Variants in RGMA observed in about 807,000 individuals in gnomAD.
The protein encoded by RGMA is repulsive guidance molecule A.
Under a neutral mutation model 23.2 loss-of-function variants are expected in RGMA, and 10 were observed. The ratio of observed to expected loss-of-function variants is 0.43; its 90% CI spans 0.27 to 0.73. The LOEUF (loss-of-function observed/expected upper bound fraction) is 0.73. RGMA is among the 30% of genes least tolerant of loss of function. The pLI is 0.20. For missense variants in RGMA, 547 were observed against 630.5 expected, an observed-to-expected ratio of 0.87 and a Z score of 1.42; for synonymous variants, 308 against 279.3, an observed-to-expected ratio of 1.10 and a Z score of -1.03.
intron 2 of RGMA, among the ~76,000 whole-genome samples, chr15:93,059,110 A>T (rs2055061448): frequency 1.3e-5 from 2 of 152,114 alleles, no homozygotes; most frequent in Non-Finnish European, 2.9e-5. Flanking sequence ...CACAAGTGGA[A>T]GGGCTGGGGC....
intron 1 of RGMA, among the ~76,000 whole-genome samples, chr15:93,081,155 C>T (rs984680342): frequency 2.0e-5 from 3 of 152,116 alleles, no homozygotes; most frequent in African/African-American, 7.2e-5. Context: ...TATCTTCAGC[C>T]CCTCAGCTTC....
At chr15:93,074,754 T>C (rs1895442063) in intron 1 of RGMA, among the ~76,000 whole-genome samples, 1 of 152,246 alleles carries the variant, frequency 6.6e-6, no homozygotes, top group Non-Finnish European at 1.5e-5. Context: ...CAATTTATTC[T>C]GCAGCATCAC....
chr15:93,049,821 C>A (rs558773660), intron 3 of RGMA, among the ~76,000 whole-genome samples: 70 of 152,304 alleles, frequency 4.6e-4, no homozygotes, highest in Non-Finnish European at 1.6e-4. Flanking sequence ...GAGTCTCTGG[C>A]TGCCTGAGAG....
intron 2 of RGMA, among the ~76,000 whole-genome samples, chr15:93,057,590 G>C (rs2055035143): frequency 1.3e-5 from 2 of 152,118 alleles, no homozygotes; most frequent in South Asian, 4.2e-4. Context: ...CCTAGGCTGG[G>C]GTATTTTCTT....
At chr15:93,051,671 G>A (rs2054921514) in intron 3 of RGMA, among the ~76,000 whole-genome samples, 1 of 152,228 alleles carries the variant, frequency 6.6e-6, no homozygotes, top group Non-Finnish European at 1.5e-5. Context: ...AGGTTCTGGA[G>A]TCACCCGGGC....
chr15:93,079,361 G>A (rs962707788), intron 1 of RGMA, among the ~76,000 whole-genome samples: 3 of 152,140 alleles, frequency 2.0e-5, no homozygotes, highest in East Asian at 1.9e-4. Flanking sequence ...TTTCTCCCTC[G>A]TCTCCAGGCC....
intron 2 of RGMA, among the ~76,000 whole-genome samples, chr15:93,053,649 T>C (rs893758252): frequency 6.6e-6 from 1 of 152,200 alleles, no homozygotes; most frequent in Non-Finnish European, 1.5e-5. Context: ...AGTGCCTACC[T>C]ATCCCAGCAG....
At chr15:93,071,905 G>A (rs1402499137) in intron 2 of RGMA, among the ~76,000 whole-genome samples, 2 of 152,224 alleles carry the variant, frequency 1.3e-5, no homozygotes, top group Admixed American at 1.3e-4. Context: ...AATGGAAACG[G>A]CTGGGAGATC....
In RGMA at chr15:93,041,544, A is replaced by G. The variant is rs1157709979; in HGVS notation, c.*3454T>C. 1 of 152,236 alleles carries G rather than the reference A, an allele frequency of 6.6e-6. No homozygotes were observed. The highest frequency in any genetic ancestry group is 2.4e-5 in the African/African-American group (1 of 41,446). 9.4% of individuals were successfully genotyped at this position (152,236 alleles called of 1,614,324 possible). ...GTTACATTTAGGGTCCTGGAAAAAA[A>G]ATTCCAAACCAAGAATACTTTGTGG... On this transcript the variant is annotated 3_prime_UTR_variant, in exon 4 of 4. Coordinates refer to ENST00000329082, the MANE Select transcript of RGMA (RefSeq NM_020211.3).
chr15:93,077,274 T>A (rs1048642628), intron 1 of RGMA, among the ~76,000 whole-genome samples: 5 of 152,136 alleles, frequency 3.3e-5, no homozygotes, highest in African/African-American at 1.2e-4. Context: ...CTGTGGGAGA[T>A]GTAAAAAGAT....
chr15:93,063,189 G>A (rs1049483335), intron 2 of RGMA: 3 of 152,246 alleles, frequency 2.0e-5, no homozygotes, highest in African/African-American at 7.2e-5. Flanking sequence ...GGAGACACTA[G>A]CCTTGAAGCC....
At chr15:93,088,295 C>G in intron 1 of RGMA, 1 of 985,476 alleles carries the variant, frequency 1.0e-6, no homozygotes, top group Non-Finnish European at 1.2e-6. Flanking sequence ...GGTTGAGCTG[C>G]GGCGCGAGCC....
rs536848349 is a variant in RGMA at position 93,038,323 on chromosome 15, A to G, written c.*6675T>C. 4 of 152,244 alleles carry G rather than the reference A, an allele frequency of 2.6e-5. No homozygotes were observed. Among genetic ancestry groups the G allele is most frequent in the Non-Finnish European group, 4.4e-5 (3 of 68,090 alleles). 9.4% of individuals were successfully genotyped at this position (152,244 alleles called of 1,614,324 possible). On this transcript the variant is annotated 3_prime_UTR_variant, in exon 4 of 4. Transcript: ENST00000329082. ...TTCAAGGGTTTGGTAAGTAAGGCCA[A>G]TCAGACCAAAGAGATGTGATTTCTG...
At chr15:93,059,583 G>A (rs375701631) in intron 2 of RGMA, among the ~76,000 whole-genome samples, 2 of 152,214 alleles carry the variant, frequency 1.3e-5, no homozygotes, top group African/African-American at 4.8e-5. Context: ...CTCTGGGAAC[G>A]ATGGGTCCCA....
chr15:93,055,282 C>T (rs2054995512), intron 2 of RGMA, among the ~76,000 whole-genome samples: 1 of 152,192 alleles, frequency 6.6e-6, no homozygotes, highest in South Asian at 2.1e-4. Flanking sequence ...GCAGGTCCCA[C>T]TGCAACACAA....
At chr15:93,055,394 T>G (rs2054997161) in intron 2 of RGMA, among the ~76,000 whole-genome samples, 1 of 152,066 alleles carries the variant, frequency 6.6e-6, no homozygotes, top group Non-Finnish European at 1.5e-5. Context: ...CCGTCCCAGG[T>G]CCGGTGCTGC....
Position 93,045,162 on chromosome 15 carries a change from C to A in RGMA, c.1189G>T (p.Ala397Ser). 6.2e-7 allele frequency: 1 copy of A among 1,606,436 alleles called. No homozygotes were observed. Among genetic ancestry groups the A allele is most frequent in the Non-Finnish European group, 8.5e-7 (1 of 1,176,520 alleles). ...TGGAGCATCTTGACATCCTCCAACG[C>A]GTAGTAGGCGGCCAGTGTGAAGTTC... ...DVNFTLAAYYALEDVKMLHSN... is the reference protein window; with the variant it reads ...DVNFTLAAYYSLEDVKMLHSN... The change falls in exon 4 of 4, where the codon GCG becomes TCG. Residue 397 changes from alanine (A) to serine (S), a missense_variant. Transcript: ENST00000329082. This position sits in a 1 kb window ranked among gnomAD's most constrained non-coding sequence, Gnocchi z 6.9.
intron 2 of RGMA, among the ~76,000 whole-genome samples, chr15:93,055,782 G>A (rs892582388): frequency 6.6e-6 from 1 of 152,238 alleles, no homozygotes; most frequent in African/African-American, 2.4e-5. Flanking sequence ...CTCGACGGCA[G>A]GGTCAGACTG....
Position 93,044,959 on chromosome 15 carries a change from G to C in RGMA, c.*39C>G, listed in dbSNP as rs958194947. 1.3e-6 allele frequency: 2 copies of C among 1,508,842 alleles called. No individual in the cohort carries two copies. The highest frequency in any genetic ancestry group is 2.0e-5 in the Admixed American group (1 of 50,244). 93.5% of individuals were successfully genotyped at this position (1,508,842 alleles called of 1,614,324 possible). The stretch of plus-strand genomic sequence containing the variant: ...GTCCCAGCCCACACATGGGGAAGCC[G>C]AGAGGACGGAGCCCGCGCCTCCCTC... On this transcript the variant is annotated 3_prime_UTR_variant, in exon 4 of 4. Transcript: ENST00000329082.
Sources: allele counts gnomAD v4.1 joint callset (sites outside exome capture counted in the v4.1 genomes callset), GRCh38; gene constraint gnomAD v4.1.1; non-coding constraint Gnocchi (gnomAD v3.1); transcripts MANE v1.5; gene names NCBI Gene and HGNC (gene_info 2026-07-23, HGNC 2026-07-21).